The following VTI1A variants were observed in gnomAD, a reference collection of about 807,000 sequenced individuals.
The protein encoded by VTI1A is vesicle transport through interaction with t-SNAREs homolog 1A.
A neutral mutation model predicts 34.9 loss-of-function variants in VTI1A; 22 were observed. The ratio of observed to expected loss-of-function variants is 0.63; its 90% CI spans 0.45 to 0.90. The LOEUF (loss-of-function observed/expected upper bound fraction) is 0.90, where lower values mean the gene tolerates loss of function less well. Ranked by LOEUF, VTI1A falls within the 40% of genes least tolerant of loss-of-function variation. VTI1A has a pLI of 0.00. For synonymous variants in VTI1A, 87 were observed against 97.3 expected, an observed-to-expected ratio of 0.89 and a Z score of 0.62; for missense variants, 268 against 275.6, an observed-to-expected ratio of 0.97 and a Z score of 0.20.
intron 5 of VTI1A, among the ~76,000 whole-genome samples, chr10:112,645,801 T>C (rs889111068): frequency 2.0e-5 from 3 of 152,220 alleles, no homozygotes; most frequent in Admixed American, 1.3e-4. Context: ...GCTTTTAATG[T>C]TCTCCCCTTT....
intron 5 of VTI1A, among the ~76,000 whole-genome samples, chr10:112,545,668 C>T (rs1464497911): frequency 6.6e-6 from 1 of 152,140 alleles, no homozygotes; most frequent in Non-Finnish European, 1.5e-5. Flanking sequence ...GTCTTGGGTC[C>T]CATGTCGGAT....
At chr10:112,503,050 A>G (rs193073449) in intron 3 of VTI1A, among the ~76,000 whole-genome samples, 4 of 152,308 alleles carry the variant, frequency 2.6e-5, no homozygotes, top group Admixed American at 2.0e-4. Context: ...ATAATTTTAT[A>G]TATTTATATA....
At chr10:112,496,408 A>C (rs1269268565) in intron 3 of VTI1A, among the ~76,000 whole-genome samples, 2 of 151,932 alleles carry the variant, frequency 1.3e-5, no homozygotes, top group African/African-American at 4.8e-5. Flanking sequence ...TATCTCTACT[A>C]AAAATATGAA....
Position 112,535,286 on chromosome 10 carries a change from T to C in VTI1A, c.343-2960T>C, listed in dbSNP as rs541650641. Among the ~76,000 whole-genome samples, 8 of 152,314 alleles carry C rather than the reference T, an allele frequency of 5.3e-5. No homozygotes were observed. The South Asian group carries it at 1.5e-3, about 28-fold the overall frequency. ...CTTTTAACAGTCTTTGATATAGATC[T>C]AGCATTGATATTTATAGACTAGATT... On this transcript the variant is annotated intron_variant, in intron 4 of 7. Transcript: ENST00000393077.
chr10:112,818,312 CA>C lies in VTI1A; in HGVS notation c.*2934del. The C allele has an allele frequency of 4.3e-6, 1 of 232,508 alleles. No homozygotes were observed. The highest frequency in any genetic ancestry group is 8.5e-6 in the Non-Finnish European group (1 of 117,446). The allele number at this position is 232,508 out of a possible 1,614,324, so 14.4% of individuals were successfully genotyped here. On this transcript the variant is annotated 3_prime_UTR_variant, in exon 8 of 8. Coordinates refer to ENST00000393077, the MANE Select transcript of VTI1A (RefSeq NM_145206.4). ...GAGGGGGAAAAAAGCCTGCCTGTTC[CA>C]AAAACCTCATCAGATAATGACCTCA...
Position 112,791,379 on chromosome 10 carries a change from G to A in VTI1A, c.561-23911G>A, listed in dbSNP as rs543756310. 2.6e-5 allele frequency among the ~76,000 whole-genome samples: 4 copies of A among 152,198 alleles called. No individual in the cohort carries two copies. The East Asian group carries it at 7.7e-4, about 29-fold the overall frequency. ...AGACACGCTCAGCAAAAGGCCAGAGGGGGGTAGCACTGCTTGTTCACTTTC... is the reference window on the plus strand; with the variant it reads ...AGACACGCTCAGCAAAAGGCCAGAGAGGGGTAGCACTGCTTGTTCACTTTC... On this transcript the variant is annotated intron_variant, in intron 7 of 7. Transcript: ENST00000393077.
chr10:112,546,969 T>G (rs1055109903), intron 5 of VTI1A, among the ~76,000 whole-genome samples: 2 of 152,288 alleles, frequency 1.3e-5, no homozygotes, highest in Admixed American at 1.3e-4. Context: ...ATTTCCATGC[T>G]ATGTTATTGT....
intron 5 of VTI1A, among the ~76,000 whole-genome samples, chr10:112,636,866 A>C (rs999578709): frequency 6.6e-6 from 1 of 152,222 alleles, no homozygotes; most frequent in African/African-American, 2.4e-5. Flanking sequence ...ATAAACAACC[A>C]TAGCAAAACA....
chr10:112,521,193 A>G (rs1850017202), intron 3 of VTI1A, among the ~76,000 whole-genome samples: 1 of 152,062 alleles, frequency 6.6e-6, no homozygotes, highest in Non-Finnish European at 1.5e-5. Flanking sequence ...ACATAGAAGA[A>G]ACAGATTGGA....
intron 5 of VTI1A, among the ~76,000 whole-genome samples, chr10:112,568,897 A>G (rs1852006277): frequency 1.3e-5 from 2 of 152,072 alleles, no homozygotes; most frequent in South Asian, 4.1e-4. Flanking sequence ...GCTAATGCCT[A>G]TGATCCCAAC....
At chr10:112,771,921 G>T (rs2134022912) in intron 7 of VTI1A, among the ~76,000 whole-genome samples, 1 of 152,274 alleles carries the variant, frequency 6.6e-6, no homozygotes, top group African/African-American at 2.4e-5. Context: ...CCATTGTACG[G>T]ATATACCATG....
the VTI1A span, chr10:112,831,333 T>A: frequency 6.6e-6 from 1 of 152,282 alleles, no homozygotes; most frequent in African/African-American, 2.4e-5. Context: ...TGGGATCCAC[T>A]TTCCTCCTGG....
chr10:112,836,732 AC>A, the VTI1A span, among the ~76,000 whole-genome samples: 1 of 152,096 alleles, frequency 6.6e-6, no homozygotes, highest in Admixed American at 6.5e-5. Context: ...GATGGATGGG[AC>A]ATTGGAGCAT....
chr10:112,494,335 C>A (rs757278963), intron 3 of VTI1A, among the ~76,000 whole-genome samples: 1 of 151,966 alleles, frequency 6.6e-6, no homozygotes, highest in Non-Finnish European at 1.5e-5. Context: ...TTAAAAACAA[C>A]TTTTGGTTTC....
chr10:112,628,548 A>G (rs969519685), intron 5 of VTI1A, among the ~76,000 whole-genome samples: 3 of 152,164 alleles, frequency 2.0e-5, no homozygotes, highest in Non-Finnish European at 4.4e-5. Context: ...ATAAAAGACC[A>G]TATTTTACAG....
intron 7 of VTI1A, among the ~76,000 whole-genome samples, chr10:112,779,233 C>T (rs1352356461): frequency 6.6e-6 from 1 of 152,092 alleles, no homozygotes; most frequent in Non-Finnish European, 1.5e-5. Context: ...GAGTCAGAAT[C>T]AACTTGGATG....
intron 5 of VTI1A, among the ~76,000 whole-genome samples, chr10:112,596,259 A>G (rs1844640755): frequency 6.6e-6 from 1 of 152,150 alleles, no homozygotes; most frequent in South Asian, 2.1e-4. Context: ...ACATGTATAC[A>G]TATGTAACTA....
intron 5 of VTI1A, among the ~76,000 whole-genome samples, chr10:112,619,792 G>A (rs1356979027): frequency 6.6e-6 from 1 of 151,968 alleles, no homozygotes; most frequent in Non-Finnish European, 1.5e-5. Flanking sequence ...TTCCTTGACA[G>A]TGGAACTGAT....
At chr10:112,597,194 C>G (rs1318199793) in intron 5 of VTI1A, among the ~76,000 whole-genome samples, 2 of 152,038 alleles carry the variant, frequency 1.3e-5, no homozygotes, top group Non-Finnish European at 2.9e-5. Context: ...TTTTTGGAAC[C>G]TCTTTGGGCT....
Sources: gnomAD v4.1 joint callset for allele counts (sites outside exome capture counted in the v4.1 genomes callset) on GRCh38, gnomAD v4.1.1 for gene constraint, MANE v1.5 for transcripts, NCBI Gene and HGNC (gene_info 2026-07-23, HGNC 2026-07-21) for gene names.